Variants in CSMD1 observed in about 807,000 individuals in gnomAD.
CSMD1 encodes CUB and sushi domain-containing protein 1.
CSMD1 carries 213 observed loss-of-function variants against 417.5 expected under a neutral mutation model. The observed-to-expected ratio is 0.51, with a 90% CI of 0.46 to 0.57. The LOEUF is 0.57. Ranked by LOEUF, CSMD1 falls within the 20% of genes least tolerant of loss-of-function variation. The pLI is 0.00. For synonymous variants in CSMD1, 2,862 were observed against 1,736.8 expected, an observed-to-expected ratio of 1.65 and a Z score of -16.11; for missense variants, 6,923 against 4,529.7, an observed-to-expected ratio of 1.53 and a Z score of -15.17.
intron 1 of CSMD1, among the ~76,000 whole-genome samples, chr8:4,919,268 G>A (rs970614512): frequency 2.6e-5 from 4 of 152,178 alleles, no homozygotes; most frequent in African/African-American, 9.7e-5. Flanking sequence ...AAGGGAAAAA[G>A]AAGAGTTCTG....
At chr8:4,461,318 A>G (rs1018821046) in intron 2 of CSMD1, among the ~76,000 whole-genome samples, 21 of 152,040 alleles carry the variant, frequency 1.4e-4, no homozygotes, top group African/African-American at 4.6e-4. Context: ...AAAATCAGCA[A>G]TAAGACAAAT....
intron 5 of CSMD1, among the ~76,000 whole-genome samples, chr8:3,935,773 G>A (rs965579730): frequency 6.6e-6 from 1 of 152,016 alleles, no homozygotes. Context: ...ATCAAATTAG[G>A]CCAATTAATA....
intron 5 of CSMD1, among the ~76,000 whole-genome samples, chr8:3,948,747 A>C (rs1811410395): frequency 6.6e-6 from 1 of 152,208 alleles, no homozygotes; most frequent in African/African-American, 2.4e-5. Flanking sequence ...TTAATCAGCT[A>C]GAAAAGATGA....
chr8:3,126,581 T>C (rs1485017686), intron 41 of CSMD1, among the ~76,000 whole-genome samples: 1 of 152,206 alleles, frequency 6.6e-6, no homozygotes, highest in Non-Finnish European at 1.5e-5. Context: ...ATTTCCCAAG[T>C]GCACACATAC....
intron 7 of CSMD1, among the ~76,000 whole-genome samples, chr8:3,675,558 G>C (rs989517620): frequency 1.3e-5 from 2 of 152,036 alleles, no homozygotes; most frequent in African/African-American, 2.4e-5. Context: ...CTTTCAGGAA[G>C]TGATTTGGTT....
At chr8:4,208,663 A>T (rs910732550) in intron 3 of CSMD1, among the ~76,000 whole-genome samples, 9 of 152,210 alleles carry the variant, frequency 5.9e-5, no homozygotes, top group Non-Finnish European at 1.2e-4. Context: ...ACATAAAACC[A>T]ATTATGCAAA....
At chr8:4,174,020 C>G (rs1011229854) in intron 3 of CSMD1, among the ~76,000 whole-genome samples, 1 of 152,128 alleles carries the variant, frequency 6.6e-6, no homozygotes, top group Non-Finnish European at 1.5e-5. Context: ...ATCACCATGG[C>G]CAAGGGAATG....
At chr8:3,595,995 C>A (rs1240163504) in intron 8 of CSMD1, among the ~76,000 whole-genome samples, 2 of 152,188 alleles carry the variant, frequency 1.3e-5, no homozygotes, top group Non-Finnish European at 2.9e-5. Context: ...CCTTTGCCTC[C>A]TTCCTGACAA....
At chr8:4,011,704 C>A (rs1268723253) in intron 4 of CSMD1, among the ~76,000 whole-genome samples, 2 of 152,174 alleles carry the variant, frequency 1.3e-5, no homozygotes, top group Non-Finnish European at 2.9e-5. Context: ...GTCACAAGAA[C>A]TTGCAAAATA....
chr8:4,197,650 A>C (rs1361476469), intron 3 of CSMD1, among the ~76,000 whole-genome samples: 1 of 152,188 alleles, frequency 6.6e-6, no homozygotes, highest in East Asian at 1.9e-4. Context: ...AGGCCGAGGC[A>C]GGTGGATCAT....
At chr8:4,133,012 C>A (rs1803203696) in intron 3 of CSMD1, among the ~76,000 whole-genome samples, 1 of 152,158 alleles carries the variant, frequency 6.6e-6, no homozygotes, top group South Asian at 2.1e-4. Context: ...CGGCTCACTG[C>A]AACCTCCGAC....
At chr8:4,821,823 C>G (rs1236710379) in intron 1 of CSMD1, among the ~76,000 whole-genome samples, 1 of 152,110 alleles carries the variant, frequency 6.6e-6, no homozygotes, top group Non-Finnish European at 1.5e-5. Flanking sequence ...TAAAAGCCAA[C>G]AAACTCAGAT....
At chr8:4,835,224 T>A (rs928622068) in intron 1 of CSMD1, among the ~76,000 whole-genome samples, 2 of 151,910 alleles carry the variant, frequency 1.3e-5, no homozygotes, top group Non-Finnish European at 2.9e-5. Flanking sequence ...AGAGAGGAGA[T>A]AAATGATTGA....
intron 3 of CSMD1, among the ~76,000 whole-genome samples, chr8:4,223,640 G>A (rs1447667363): frequency 6.6e-6 from 1 of 152,212 alleles, no homozygotes; most frequent in African/African-American, 2.4e-5. Context: ...CCAGGACTCA[G>A]CGAGTTAAAC....
chr8:3,136,900 T>C (rs546051992), intron 41 of CSMD1, among the ~76,000 whole-genome samples: 1 of 148,908 alleles, frequency 6.7e-6, no homozygotes, highest in Non-Finnish European at 1.5e-5. Flanking sequence ...TAAATTTTTT[T>C]AAAAATTTTT....
intron 66 of CSMD1, among the ~76,000 whole-genome samples, 183 bp from the exon 67 acceptor site, chr8:2,950,526 C>T (rs1208436710): frequency 6.6e-6 from 1 of 152,168 alleles, no homozygotes; most frequent in Admixed American, 6.5e-5. Context: ...CTGAAAATCA[C>T]TTCTTAAATC....
intron 41 of CSMD1, chr8:3,127,765 T>G (rs755908615): frequency 3.9e-5 from 6 of 152,162 alleles, no homozygotes; most frequent in Non-Finnish European, 8.8e-5. Flanking sequence ...TGAATAAGTT[T>G]TCTTTCCCAA....
intron 1 of CSMD1, among the ~76,000 whole-genome samples, chr8:4,790,330 C>T (rs895561631): frequency 1.3e-5 from 2 of 152,070 alleles, no homozygotes; most frequent in South Asian, 2.1e-4. Flanking sequence ...TCAGAGATGA[C>T]ACAAACTAAT....
At chr8:3,436,616 C>T (rs1210289026) in intron 12 of CSMD1, among the ~76,000 whole-genome samples, 1 of 152,066 alleles carries the variant, frequency 6.6e-6, no homozygotes. Flanking sequence ...TCATAATAAA[C>T]ATCACACCAA....
Sources: gnomAD v4.1 joint callset for allele counts (sites outside exome capture counted in the v4.1 genomes callset) on GRCh38, gnomAD v4.1.1 for gene constraint, MANE v1.5 for transcripts, NCBI Gene and HGNC (gene_info 2026-07-23, HGNC 2026-07-21) for gene names.